C8orf34: variants seen among roughly 807,000 people sequenced by gnomAD.
C8orf34 encodes uncharacterized protein C8orf34.
A neutral mutation model predicts 68.3 loss-of-function variants in C8orf34; 65 were observed. That is an observed-to-expected ratio of 0.95 (90% confidence interval 0.78 to 1.17). The LOEUF (loss-of-function observed/expected upper bound fraction) is 1.17, where lower values mean the gene tolerates loss of function less well. C8orf34 is among the 50% of genes most tolerant of loss of function. C8orf34 has a pLI of 0.00. For missense variants in C8orf34, 664 were observed against 655.4 expected (o/e 1.01, Z -0.14); for synonymous variants, 244 against 241.2 (o/e 1.01, Z -0.11).
intron 6 of C8orf34, among the ~76,000 whole-genome samples, chr8:68,526,181 G>A (rs1489059627): frequency 6.6e-6 from 1 of 151,796 alleles, no homozygotes; most frequent in Non-Finnish European, 1.5e-5. Context: ...GGCAGGTCTT[G>A]TATTCCTGGA....
chr8:68,543,168 A>G (rs577387495), intron 7 of C8orf34, among the ~76,000 whole-genome samples: 123 of 152,150 alleles, frequency 8.1e-4, no homozygotes, highest in Non-Finnish European at 1.5e-3. Context: ...ATGGTTTAAT[A>G]CCTTCCTAAT....
At chr8:68,330,787 G>A, upstream of C8orf34, 2 of 440,144 alleles carry the variant, frequency 4.5e-6, no homozygotes, top group Non-Finnish European at 7.9e-6. Context: ...ACAGTCGCGC[G>A]CGCACGGACA....
At chr8:68,430,564 A>G (rs758862701) in intron 1 of C8orf34, among the ~76,000 whole-genome samples, 1 of 152,188 alleles carries the variant, frequency 6.6e-6, no homozygotes, top group East Asian at 1.9e-4. Flanking sequence ...CATACACAGT[A>G]TCAGAATTGA....
intron 10 of C8orf34, among the ~76,000 whole-genome samples, chr8:68,736,107 A>G (rs943249028): frequency 1.3e-5 from 2 of 152,178 alleles, no homozygotes; most frequent in African/African-American, 4.8e-5. Context: ...CATCTTTTGT[A>G]TATTACAAGT....
At chr8:68,452,377 A>G (rs1811381129) in intron 3 of C8orf34, among the ~76,000 whole-genome samples, 1 of 151,626 alleles carries the variant, frequency 6.6e-6, no homozygotes. Context: ...GCAATATACA[A>G]GGGTTTCAAT....
chr8:68,485,723 A>AT (rs1199248952), intron 4 of C8orf34, among the ~76,000 whole-genome samples: 42 of 51,872 alleles, frequency 8.1e-4, no homozygotes, highest in African/African-American at 2.6e-3. Flanking sequence ...AAAAAAAATA[A>AT]AAAATAAATA....
At chr8:68,572,758 T>C (rs1419204750) in intron 7 of C8orf34, among the ~76,000 whole-genome samples, 1 of 152,144 alleles carries the variant, frequency 6.6e-6, no homozygotes, top group Non-Finnish European at 1.5e-5. Context: ...GCCTGGTGTT[T>C]AGTTCTTGAA....
At chr8:68,812,581 A>G (rs1326877159) in intron 12 of C8orf34, among the ~76,000 whole-genome samples, 1 of 152,192 alleles carries the variant, frequency 6.6e-6, no homozygotes, top group African/African-American at 2.4e-5. Flanking sequence ...TATAGTTTAT[A>G]CATCACTTCT....
intron 1 of C8orf34, among the ~76,000 whole-genome samples, chr8:68,334,936 A>G (rs936966468): frequency 6.6e-6 from 1 of 152,130 alleles, no homozygotes; most frequent in Non-Finnish European, 1.5e-5. Context: ...CCAGCCATGT[A>G]TGCAACCCTG....
At chr8:68,443,779 C>T (rs1402543416) in intron 2 of C8orf34, among the ~76,000 whole-genome samples, 1 of 152,132 alleles carries the variant, frequency 6.6e-6, no homozygotes, top group Non-Finnish European at 1.5e-5. Context: ...TCAGAAATAT[C>T]TGAAGATATC....
Position 68,728,272 on chromosome 8 carries a change from T to C in C8orf34, c.1404+6835T>C, listed in dbSNP as rs984251082. Among the ~76,000 whole-genome samples the C allele has an allele frequency of 2.6e-5, 4 of 152,178 alleles. No homozygotes were observed. The East Asian group carries it at 5.8e-4, about 22-fold the overall frequency. ...TCCAGTTCCCAACAAGTTTCTCTTC[T>C]CCATCTGAGACCATCTCACACTGAA... On this transcript the variant is annotated intron_variant, in intron 10 of 13. Coordinates refer to ENST00000518698, the MANE Select transcript of C8orf34 (RefSeq NM_052958.4).
chr8:68,806,015 T>A (rs1824470152), intron 12 of C8orf34, among the ~76,000 whole-genome samples: 1 of 152,092 alleles, frequency 6.6e-6, no homozygotes, highest in African/African-American at 2.4e-5. Flanking sequence ...CTTTCGATAG[T>A]TGTTCTTGAG....
At chr8:68,560,858 C>T (rs968442857) in intron 7 of C8orf34, among the ~76,000 whole-genome samples, 1 of 152,002 alleles carries the variant, frequency 6.6e-6, no homozygotes, top group African/African-American at 2.4e-5. Context: ...ACTGTAGACT[C>T]TGTAAACACT....
chr8:68,420,250 A>C (rs2129623465), intron 1 of C8orf34, among the ~76,000 whole-genome samples: 1 of 152,098 alleles, frequency 6.6e-6, no homozygotes, highest in East Asian at 1.9e-4. Flanking sequence ...TAAGGATACC[A>C]GCAACTGCCC....
chr8:68,467,509 C>T (rs923495609), intron 3 of C8orf34, among the ~76,000 whole-genome samples: 53 of 151,936 alleles, frequency 3.5e-4, no homozygotes, highest in Non-Finnish European at 6.8e-4. Context: ...CTGCTTGACT[C>T]ATTGGTTTCT....
intron 10 of C8orf34, among the ~76,000 whole-genome samples, chr8:68,754,704 T>A (rs1456420002): frequency 2.0e-5 from 3 of 152,232 alleles, no homozygotes; most frequent in Non-Finnish European, 4.4e-5. Context: ...AGTCTCTACC[T>A]CTGAAATTCT....
chr8:68,744,483 T>G (rs1392390004), intron 10 of C8orf34, among the ~76,000 whole-genome samples: 1 of 151,588 alleles, frequency 6.6e-6, no homozygotes, highest in East Asian at 1.9e-4. Context: ...TTGAAAACTT[T>G]GAAAAAAATT....
intron 9 of C8orf34, among the ~76,000 whole-genome samples, chr8:68,717,933 A>G (rs550148234): frequency 6.6e-6 from 1 of 152,290 alleles, no homozygotes; most frequent in Non-Finnish European, 1.5e-5. Flanking sequence ...TGTCACTAGC[A>G]ACATGGAAGC....
intron 8 of C8orf34, among the ~76,000 whole-genome samples, chr8:68,646,894 C>A (rs1433471347): frequency 6.6e-6 from 1 of 152,172 alleles, no homozygotes. Context: ...GGTTCCATAA[C>A]TTAGCTATTA....
Sources: gnomAD v4.1 joint callset for allele counts (sites outside exome capture counted in the v4.1 genomes callset) on GRCh38, gnomAD v4.1.1 for gene constraint, MANE v1.5 for transcripts, NCBI Gene and HGNC (gene_info 2026-07-23, HGNC 2026-07-21) for gene names.